MYO3B: variants seen among roughly 807,000 people sequenced by gnomAD.
The protein encoded by MYO3B is myosin-IIIb.
Under a neutral mutation model 174.6 loss-of-function variants are expected in MYO3B, and 156 were observed. That is an observed-to-expected ratio of 0.89 (90% CI 0.78 to 1.02). The LOEUF is 1.02. Ranked by LOEUF, MYO3B falls within the 50% of genes least tolerant of loss-of-function variation. The pLI, the probability that MYO3B is intolerant of heterozygous loss-of-function variation, is 0.00. For missense variants in MYO3B, 1,632 were observed against 1,639.4 expected (o/e 1.00, Z 0.08); for synonymous variants, 563 against 569.1 (o/e 0.99, Z 0.15).
At chr2:170,410,722 T>C (rs1036265184) in intron 22 of MYO3B, among the ~76,000 whole-genome samples, 1 of 151,996 alleles carries the variant, frequency 6.6e-6, no homozygotes, top group African/African-American at 2.4e-5. Context: ...CTAAGAGATG[T>C]TGGCAGTGGT....
intron 32 of MYO3B, among the ~76,000 whole-genome samples, chr2:170,562,935 G>A (rs907784683): frequency 2.0e-5 from 3 of 151,764 alleles, no homozygotes; most frequent in African/African-American, 7.3e-5. Context: ...TGGGCCTATG[G>A]CCTTTCCTCA....
intron 3 of MYO3B, among the ~76,000 whole-genome samples, chr2:170,207,525 T>C (rs897200840): frequency 8.5e-5 from 13 of 152,146 alleles, no homozygotes; most frequent in African/African-American, 2.2e-4. Context: ...GGCTTTTGGG[T>C]TCCCTTCCCC....
chr2:170,233,222 G>A (rs970781099), intron 6 of MYO3B, among the ~76,000 whole-genome samples: 1 of 152,148 alleles, frequency 6.6e-6, no homozygotes, highest in Non-Finnish European at 1.5e-5. Flanking sequence ...TATTGGACGT[G>A]TTAGTACACA....
chr2:170,351,007 G>A (rs1241925289), intron 8 of MYO3B: 1 of 151,692 alleles, frequency 6.6e-6, no homozygotes, highest in Non-Finnish European at 1.5e-5. Context: ...AAGGAAGGAA[G>A]GGAGAAAAGA....
In MYO3B at chr2:170,201,928, G is replaced by C. The variant is rs868135248; in HGVS notation, c.321+1644G>C. Among the ~76,000 whole-genome samples the C allele has an allele frequency of 2.6e-5, 4 of 152,280 alleles. No individual in the cohort carries two copies. The Middle Eastern group carries it at 0.01, about 388-fold the overall frequency. Reference sequence around the variant, plus strand: ...TTATTTTTAACTCCTGACTAAAAAAGGCTCATATCAGACATAGAGAACTGA... The same window carrying C: ...TTATTTTTAACTCCTGACTAAAAAACGCTCATATCAGACATAGAGAACTGA... On this transcript the variant is annotated intron_variant, in intron 3 of 34. Coordinates refer to ENST00000408978, the MANE Select transcript of MYO3B (RefSeq NM_138995.5).
rs555895402 is a variant in MYO3B, at chr2:170,558,112, T to C, written c.3733+14124T>C. ...GTCAGGAGATCAAGACCATCCTGGCTAACACGGTGAAATCCCATCTCTACT... is the reference window on the plus strand; with the variant it reads ...GTCAGGAGATCAAGACCATCCTGGCCAACACGGTGAAATCCCATCTCTACT... On this transcript the variant is annotated intron_variant, in intron 32 of 34. Coordinates refer to ENST00000408978, the MANE Select transcript of MYO3B (RefSeq NM_138995.5). Among the ~76,000 whole-genome samples the C allele has an allele frequency of 2.2e-4, 33 of 152,248 alleles. No homozygotes were observed. In the East Asian group the frequency reaches 6.2e-3, roughly 29 times the overall value.
At chr2:170,648,936 ATATAATATATATAAAATAATATATAATG>A (rs1698636447) in intron 32 of MYO3B, among the ~76,000 whole-genome samples, 4 of 74,584 alleles carry the variant, frequency 5.4e-5, no homozygotes, top group Non-Finnish European at 9.7e-5. Context: ...AAAATATGAT[ATATAATATATATAAAATAATATATAATG>A]TATAATATAT....
chr2:170,636,156 A>T (rs1428529206), intron 32 of MYO3B, among the ~76,000 whole-genome samples: 2 of 152,082 alleles, frequency 1.3e-5, no homozygotes, highest in African/African-American at 2.4e-5. Context: ...GTGTGTTACG[A>T]TCTCTCGCCA....
intron 11 of MYO3B, 43 bp downstream of exon 11, chr2:170,383,232 TAAAA>T (rs2094348723): frequency 8.2e-7 from 1 of 1,212,550 alleles, no homozygotes; most frequent in African/African-American, 1.5e-5. Flanking sequence ...AATAGGAAAT[TAAAA>T]CTCACAAGGG....
At chr2:170,314,802 G>A (rs1436610814) in intron 7 of MYO3B, among the ~76,000 whole-genome samples, 1 of 152,230 alleles carries the variant, frequency 6.6e-6, no homozygotes, top group East Asian at 1.9e-4. Flanking sequence ...AAAGCATCTT[G>A]TGCTGGTGCT....
chr2:170,561,710 T>C (rs547052162), intron 32 of MYO3B, among the ~76,000 whole-genome samples: 59 of 152,262 alleles, frequency 3.9e-4, no homozygotes, highest in Non-Finnish European at 5.6e-4. Context: ...TGGTAGTTCT[T>C]CAAGTATTTG....
intron 21 of MYO3B, among the ~76,000 whole-genome samples, chr2:170,406,739 A>AT (rs1465186974): frequency 6.6e-6 from 1 of 151,292 alleles, no homozygotes; most frequent in African/African-American, 2.4e-5. Context: ...TTTTATTTTT[A>AT]TTTTTTCTGG....
chr2:170,217,187 G>A, intron 5 of MYO3B, 132 bp from the exon 6 acceptor site: 2 of 746,030 alleles, frequency 2.7e-6, no homozygotes, highest in South Asian at 1.5e-5. Context: ...GCAGAACTGA[G>A]TAGTTGTGAC....
chr2:170,186,254 G>A (rs753121636), intron 1 of MYO3B, among the ~76,000 whole-genome samples: 22 of 151,932 alleles, frequency 1.4e-4, no homozygotes, highest in Non-Finnish European at 2.8e-4. Flanking sequence ...TCAGTATGTG[G>A]GTCTGTCATA....
intron 7 of MYO3B, among the ~76,000 whole-genome samples, chr2:170,285,102 T>G (rs1469955272): frequency 1.3e-5 from 2 of 152,192 alleles, no homozygotes; most frequent in African/African-American, 4.8e-5. Context: ...ACTTTATCTA[T>G]TAATAGCTAT....
intron 32 of MYO3B, among the ~76,000 whole-genome samples, chr2:170,610,124 C>T (rs745333588): frequency 8.5e-5 from 13 of 152,182 alleles, no homozygotes; most frequent in Non-Finnish European, 1.6e-4. Flanking sequence ...TTCACGAGGT[C>T]AGGAGATCAA....
intron 3 of MYO3B, among the ~76,000 whole-genome samples, chr2:170,207,700 T>A (rs2092728931): frequency 6.6e-6 from 1 of 150,776 alleles, no homozygotes; most frequent in African/African-American, 2.4e-5. Flanking sequence ...TCTCAAAGGA[T>A]TAGTCTAAAG....
chr2:170,611,350 G>A (rs1486981386), intron 32 of MYO3B, among the ~76,000 whole-genome samples: 1 of 152,056 alleles, frequency 6.6e-6, no homozygotes, highest in African/African-American at 2.4e-5. Context: ...TTTTTTGTTT[G>A]TTTGTTTTTT....
chr2:170,210,987 G>C (rs1313183624), intron 3 of MYO3B, among the ~76,000 whole-genome samples: 3 of 152,132 alleles, frequency 2.0e-5, no homozygotes, highest in Non-Finnish European at 2.9e-5. Context: ...CTCTGGGTGG[G>C]GCCCTTTAAG....
Sources: gnomAD v4.1 joint callset for allele counts (sites outside exome capture counted in the v4.1 genomes callset) on GRCh38, gnomAD v4.1.1 for gene constraint, MANE v1.5 for transcripts, NCBI Gene and HGNC (gene_info 2026-07-23, HGNC 2026-07-21) for gene names.